PCDH15: variants seen among roughly 807,000 people sequenced by gnomAD.
The protein encoded by PCDH15 is protocadherin related 15.
In PCDH15, 129 loss-of-function variants were observed where a neutral mutation model predicts 178.5. The observed-to-expected ratio is 0.72, with a 90% CI of 0.63 to 0.84. The LOEUF (loss-of-function observed/expected upper bound fraction) is 0.84. Ranked by LOEUF, PCDH15 falls within the 40% of genes least tolerant of loss-of-function variation. PCDH15 has a pLI of 0.00. For missense variants in PCDH15, 2,230 were observed against 2,099.9 expected, an observed-to-expected ratio of 1.06 and a Z score of -1.21; for synonymous variants, 800 against 732.0, an observed-to-expected ratio of 1.09 and a Z score of -1.50.
chr10:53,933,785 C>G lies in PCDH15; in HGVS notation c.3373+5030G>C, dbSNP rs577849759. Among the ~76,000 whole-genome samples, 1,363 of 152,268 alleles carry G rather than the reference C, an allele frequency of 9.0e-3. 11 individuals are homozygous for G. The highest frequency in any genetic ancestry group is 0.017 in the Middle Eastern group (5 of 294). ...CAGTGGTTGAACTAGCTTACAGTCCCACCAACAGTGTAAAAGTGTTCCTAT... is the reference window on the plus strand; with the variant it reads ...CAGTGGTTGAACTAGCTTACAGTCCGACCAACAGTGTAAAAGTGTTCCTAT... On this transcript the variant is annotated intron_variant, in intron 25 of 37. Coordinates refer to ENST00000644397, the MANE Select transcript of PCDH15 (RefSeq NM_001384140.1).
At chr10:55,448,840 A>G (rs1839372878) in intron 2 of PCDH15, among the ~76,000 whole-genome samples, 1 of 152,058 alleles carries the variant, frequency 6.6e-6, no homozygotes, top group African/African-American at 2.4e-5. Context: ...AGTTGCTGAT[A>G]CATTTCTTAA....
chr10:54,130,685 A>G (rs944114545), intron 15 of PCDH15, among the ~76,000 whole-genome samples: 1 of 152,338 alleles, frequency 6.6e-6, no homozygotes, highest in East Asian at 1.9e-4. Flanking sequence ...CCATCAAAAC[A>G]GATTAGTTTG....
chr10:55,127,407 G>C (rs953127752), intron 2 of PCDH15, among the ~76,000 whole-genome samples: 1 of 152,006 alleles, frequency 6.6e-6, no homozygotes, highest in Non-Finnish European at 1.5e-5. Context: ...TCATTCAAAA[G>C]CCAAAGGAAA....
At chr10:54,628,352 C>T (rs1435267421) in intron 2 of PCDH15, among the ~76,000 whole-genome samples, 3 of 152,188 alleles carry the variant, frequency 2.0e-5, no homozygotes, top group African/African-American at 7.2e-5. Flanking sequence ...GATTTACCAA[C>T]TTGATCTTTC....
chr10:54,976,170 G>C (rs1389096935), intron 2 of PCDH15, among the ~76,000 whole-genome samples: 1 of 152,122 alleles, frequency 6.6e-6, no homozygotes, highest in Non-Finnish European at 1.5e-5. Context: ...TAGAGTAAAA[G>C]TTGTAGAAGA....
intron 18 of PCDH15, among the ~76,000 whole-genome samples, chr10:54,027,447 G>C (rs961835560): frequency 3.9e-5 from 6 of 152,004 alleles, no homozygotes; most frequent in Non-Finnish European, 7.3e-5. Flanking sequence ...CTACTTTAAA[G>C]TTCATATGGA....
At chr10:55,515,198 A>T (rs1200589738) in intron 2 of PCDH15, among the ~76,000 whole-genome samples, 3 of 151,926 alleles carry the variant, frequency 2.0e-5, no homozygotes, top group African/African-American at 7.3e-5. Context: ...CATGTTGGCC[A>T]GGCTGGTCTC....
intron 2 of PCDH15, among the ~76,000 whole-genome samples, chr10:54,939,668 G>C (rs1245335628): frequency 6.6e-6 from 1 of 151,998 alleles, no homozygotes; most frequent in African/African-American, 2.4e-5. Context: ...AATCAGCAAA[G>C]GGAAGGTTTT....
chr10:54,664,169 T>C lies in PCDH15; in HGVS notation c.91+3A>G. ...CTAAAGGTCAAGCTAAAAGCAACCT[T>C]ACCATCATCATACTGGCCCAAGCAG... On this transcript the variant is annotated splice_donor_region_variant and intron_variant, in intron 2 of 37. Transcript: ENST00000644397. The C allele has an allele frequency of 6.2e-7, 1 of 1,610,552 alleles. No individual in the cohort carries two copies. Among genetic ancestry groups the C allele is most frequent in the South Asian group, 1.1e-5 (1 of 90,964 alleles).
At chr10:54,829,880 T>C (rs1426395538) in intron 3 of PCDH15, among the ~76,000 whole-genome samples, 2 of 152,270 alleles carry the variant, frequency 1.3e-5, no homozygotes, top group East Asian at 1.9e-4. Flanking sequence ...TGTTATGCAC[T>C]ATCACATCAA....
chr10:54,182,989 G>GTTTTTGT (rs2048139239), intron 13 of PCDH15, among the ~76,000 whole-genome samples: 1 of 149,948 alleles, frequency 6.7e-6, no homozygotes, highest in South Asian at 2.1e-4. Flanking sequence ...TTTTGTTTTT[G>GTTTTTGT]TTTTTTTTTG....
Position 54,006,161 on chromosome 10 carries a change from T to C in PCDH15, c.2752-10396A>G, listed in dbSNP as rs72794948. 3.0e-3 allele frequency among the ~76,000 whole-genome samples: 463 copies of C among 152,282 alleles called. 1 individual carries two copies. The highest frequency in any genetic ancestry group is 5.0e-3 in the Non-Finnish European group (340 of 68,024). On this transcript the variant is annotated intron_variant, in intron 20 of 37. Coordinates refer to ENST00000644397, the MANE Select transcript of PCDH15 (RefSeq NM_001384140.1). ...GGACATGCACATTTTCTTTGTTTTC[T>C]CTGGTTTGGATTTTTATAGGAAATA...
At chr10:54,098,409 G>A (rs1041064486) in intron 15 of PCDH15, among the ~76,000 whole-genome samples, 10 of 152,036 alleles carry the variant, frequency 6.6e-5, no homozygotes, top group South Asian at 2.1e-4. Flanking sequence ...TTGCTAACAT[G>A]AATGGCTCAA....
chr10:54,857,596 C>T (rs1333502788), intron 3 of PCDH15, among the ~76,000 whole-genome samples: 2 of 151,686 alleles, frequency 1.3e-5, no homozygotes, highest in African/African-American at 4.8e-5. Context: ...CAGGCACGTG[C>T]CGCCATGCCT....
At chr10:54,006,584 C>T (rs961586144) in intron 20 of PCDH15, among the ~76,000 whole-genome samples, 2 of 152,162 alleles carry the variant, frequency 1.3e-5, no homozygotes, top group Admixed American at 1.3e-4. Flanking sequence ...AAAAGCAGGA[C>T]CCTATCAACA....
At chr10:54,528,102 T>A (rs1034219871) in intron 2 of PCDH15, among the ~76,000 whole-genome samples, 1 of 151,992 alleles carries the variant, frequency 6.6e-6, no homozygotes, top group East Asian at 1.9e-4. Context: ...TACTCAAATC[T>A]TACTGAGAAA....
At chr10:55,611,856 C>T (rs1490258066) in intron 2 of PCDH15, among the ~76,000 whole-genome samples, 1 of 151,938 alleles carries the variant, frequency 6.6e-6, no homozygotes, top group Non-Finnish European at 1.5e-5. Flanking sequence ...GGAGAAAATT[C>T]TGTCATTTGT....
intron 30 of PCDH15, 172 bp downstream of exon 30, chr10:53,831,143 G>A: frequency 1.3e-6 from 1 of 783,380 alleles, no homozygotes; most frequent in East Asian, 2.4e-5. Flanking sequence ...CTGGGAGTTT[G>A]TACTGTTTTC....
intron 3 of PCDH15, among the ~76,000 whole-genome samples, chr10:54,525,092 T>C (rs1185748044): frequency 6.6e-6 from 1 of 152,190 alleles, no homozygotes; most frequent in Non-Finnish European, 1.5e-5. Context: ...GATAGAGACA[T>C]GTGTATAAAT....
Sources: gnomAD v4.1 joint callset for allele counts (sites outside exome capture counted in the v4.1 genomes callset) on GRCh38, gnomAD v4.1.1 for gene constraint, MANE v1.5 for transcripts, NCBI Gene and HGNC (gene_info 2026-07-23, HGNC 2026-07-21) for gene names.